The following FSTL4 variants were observed in gnomAD, a reference collection of about 807,000 sequenced individuals.
FSTL4 encodes follistatin-related protein 4.
A neutral mutation model predicts 78.2 loss-of-function variants in FSTL4; 28 were observed. The observed-to-expected ratio is 0.36, with a 90% confidence interval of 0.27 to 0.49. FSTL4 has a LOEUF of 0.49. FSTL4 is among the 20% of genes least tolerant of loss of function. The pLI, the probability that FSTL4 is intolerant of heterozygous loss-of-function variation, is 0.98. For synonymous variants in FSTL4, 422 were observed against 440.5 expected, an observed-to-expected ratio of 0.96 and a Z score of 0.53; for missense variants, 922 against 1,084.9, an observed-to-expected ratio of 0.85 and a Z score of 2.11.
chr5:133,349,291 CTCTCTG>C (rs1344519308), intron 4 of FSTL4, among the ~76,000 whole-genome samples: 10 of 96,718 alleles, frequency 1.0e-4, no homozygotes, highest in African/African-American at 3.7e-4. Context: ...GAAAGCCTCT[CTCTCTG>C]TGTGTGTGTG....
intron 3 of FSTL4, among the ~76,000 whole-genome samples, chr5:133,557,278 C>G (rs946687236): frequency 4.6e-5 from 7 of 152,244 alleles, no homozygotes; most frequent in Non-Finnish European, 1.0e-4. Context: ...CACCTCCCCC[C>G]TGAAACGCTA....
the FSTL4 span, among the ~76,000 whole-genome samples, chr5:133,752,717 C>T: frequency 6.6e-6 from 1 of 152,202 alleles, no homozygotes; most frequent in East Asian, 1.9e-4. Context: ...TCCTCTTCCA[C>T]TGCCTATATA....
chr5:133,624,908 TTGAG>T, the FSTL4 span, among the ~76,000 whole-genome samples: 1 of 151,868 alleles, frequency 6.6e-6, no homozygotes, highest in African/African-American at 2.4e-5. Flanking sequence ...TTTTACTATG[TTGAG>T]TATGTCTCTT....
intron 3 of FSTL4, among the ~76,000 whole-genome samples, chr5:133,545,264 G>C (rs751229219): frequency 5.9e-5 from 9 of 152,150 alleles, no homozygotes; most frequent in Non-Finnish European, 1.2e-4. Flanking sequence ...GGCAGTGTTG[G>C]GGGTAGAGTC....
At chr5:133,775,774 T>C in the FSTL4 span, among the ~76,000 whole-genome samples, 1 of 152,128 alleles carries the variant, frequency 6.6e-6, no homozygotes, top group Non-Finnish European at 1.5e-5. Flanking sequence ...GAAGAAAGCA[T>C]GGCCTGGTTT....
At chr5:133,796,090 C>T in the FSTL4 span, among the ~76,000 whole-genome samples, 8 of 152,232 alleles carry the variant, frequency 5.3e-5, no homozygotes, top group Non-Finnish European at 1.2e-4. Context: ...GCTCCTTATA[C>T]AGCTGTCCCT....
intron 2 of FSTL4, among the ~76,000 whole-genome samples, chr5:133,589,995 T>G (rs558000616): frequency 6.6e-6 from 1 of 152,322 alleles, no homozygotes; most frequent in African/African-American, 2.4e-5. Context: ...TACTTAGTGC[T>G]TTGGCAAAAT....
chr5:133,220,660 G>T (rs1184669474), intron 12 of FSTL4, 88 bp downstream of exon 12: 3 of 789,678 alleles, frequency 3.8e-6, no homozygotes. Flanking sequence ...TGGAATTTTA[G>T]AAATCAAATG....
At chr5:133,533,958 C>T (rs1759304582) in intron 3 of FSTL4, among the ~76,000 whole-genome samples, 1 of 152,080 alleles carries the variant, frequency 6.6e-6, no homozygotes, top group South Asian at 2.1e-4. Flanking sequence ...CTCCTGAAAC[C>T]TCAGGCCTAA....
the FSTL4 span, among the ~76,000 whole-genome samples, chr5:133,766,981 C>T: frequency 6.6e-6 from 1 of 152,076 alleles, no homozygotes; most frequent in South Asian, 2.1e-4. Context: ...ACAGGTGGAA[C>T]CAGGAGATGG....
At chr5:133,401,121 T>G in intron 3 of FSTL4, 135 bp from the exon 4 acceptor site, 1 of 965,160 alleles carries the variant, frequency 1.0e-6, no homozygotes, top group Non-Finnish European at 1.5e-6. Context: ...GCCTGGGGGC[T>G]TGGGGTCTCC....
intron 3 of FSTL4, among the ~76,000 whole-genome samples, chr5:133,458,662 C>T (rs918307655): frequency 1.3e-5 from 2 of 152,222 alleles, no homozygotes; most frequent in Non-Finnish European, 2.9e-5. Flanking sequence ...GATGGCCTGG[C>T]CTCATGGGAA....
intron 4 of FSTL4, among the ~76,000 whole-genome samples, chr5:133,392,225 G>C (rs1187145004): frequency 2.6e-5 from 4 of 152,162 alleles, no homozygotes; most frequent in Non-Finnish European, 4.4e-5. Flanking sequence ...GAGGTAGACT[G>C]AAACGTGAGG....
chr5:133,423,486 C>T (rs2126989273), intron 3 of FSTL4, among the ~76,000 whole-genome samples: 1 of 152,334 alleles, frequency 6.6e-6, no homozygotes, highest in Admixed American at 6.5e-5. Context: ...GCGGGCAGGG[C>T]TGCCCAATTC....
the FSTL4 span, among the ~76,000 whole-genome samples, chr5:133,690,183 C>T: frequency 6.6e-6 from 1 of 152,154 alleles, no homozygotes; most frequent in Non-Finnish European, 1.5e-5. Context: ...TGGGAACATG[C>T]CTATCTCCTC....
At chr5:133,374,174 A>G (rs573556477) in intron 4 of FSTL4, among the ~76,000 whole-genome samples, 1 of 152,254 alleles carries the variant, frequency 6.6e-6, no homozygotes, top group South Asian at 2.1e-4. Flanking sequence ...AACTGCCCAC[A>G]CTCAGACTTA....
the FSTL4 span, among the ~76,000 whole-genome samples, chr5:133,691,923 T>C: frequency 6.6e-6 from 1 of 152,220 alleles, no homozygotes; most frequent in African/African-American, 2.4e-5. Flanking sequence ...ACCTACCATG[T>C]GCAACCTATT....
At chr5:133,761,339 A>G in the FSTL4 span, among the ~76,000 whole-genome samples, 2 of 152,158 alleles carry the variant, frequency 1.3e-5, no homozygotes, top group Non-Finnish European at 2.9e-5. Context: ...AATATAGGAC[A>G]AATACAGGGT....
At chr5:133,667,934 TG>T in the FSTL4 span, among the ~76,000 whole-genome samples, 1 of 152,212 alleles carries the variant, frequency 6.6e-6, no homozygotes, top group African/African-American at 2.4e-5. Context: ...TGAATAAAAT[TG>T]CATTCAGTGG....
Sources: allele counts gnomAD v4.1 joint callset (sites outside exome capture counted in the v4.1 genomes callset), GRCh38; gene constraint gnomAD v4.1.1; transcripts MANE v1.5; gene names NCBI Gene and HGNC (gene_info 2026-07-23, HGNC 2026-07-21).